TGS1: variants seen among roughly 807,000 people sequenced by gnomAD.
TGS1 encodes trimethylguanosine synthase.
TGS1 carries 69 observed loss-of-function variants against 92.2 expected under a neutral mutation model. That is an observed-to-expected ratio of 0.75 (90% CI 0.62 to 0.91). The LOEUF is 0.91. Among genes scored for constraint, TGS1 ranks in the 40% least tolerant of loss-of-function variants. The pLI, the probability that TGS1 is intolerant of heterozygous loss-of-function variation, is 0.00. For missense variants in TGS1, 1,062 were observed against 1,001.2 expected, an observed-to-expected ratio of 1.06 and a Z score of -0.82; for synonymous variants, 345 against 338.1, an observed-to-expected ratio of 1.02 and a Z score of -0.22.
chr8:55,787,883 AAGAGAGAGAGCAAG>A (rs1811763806), intron 4 of TGS1, among the ~76,000 whole-genome samples: 1 of 116,190 alleles, frequency 8.6e-6, no homozygotes, highest in Non-Finnish European at 1.9e-5. Context: ...GCCACATGGC[AAGAGAGAGAGCAAG>A]AGAGAGGGGG....
At position 55,802,565 on chromosome 8, in the gene TGS1, G is replaced by A. The variant is rs1399451913; in HGVS notation, c.1958G>A (p.Arg653Lys). 6.2e-7 allele frequency: 1 copy of A among 1,614,098 alleles called. No homozygotes were observed. The highest frequency in any genetic ancestry group is 8.5e-7 in the Non-Finnish European group (1 of 1,179,998). ...GCAAAATACTGGGCCCAGAGGTACAGGCTCTTCTCCCGTTTTGATGATGGG... is the reference window on the plus strand; with the variant it reads ...GCAAAATACTGGGCCCAGAGGTACAAGCTCTTCTCCCGTTTTGATGATGGG... ...ELAKYWAQRY[R>K]LFSRFDDGIK... is the part of the protein sequence containing the mutation. Residue 653 changes from arginine to lysine, a missense_variant, in exon 9 of 13, where the codon AGG (arginine) becomes AAG (lysine). By Grantham distance (26) the Arg-to-Lys change is conservative. Coordinates refer to ENST00000260129, the MANE Select transcript of TGS1 (RefSeq NM_024831.8).
chr8:55,804,416 G>A (rs1812305600), intron 9 of TGS1, among the ~76,000 whole-genome samples: 1 of 152,176 alleles, frequency 6.6e-6, no homozygotes. Context: ...ACTCCAGCCT[G>A]GGCAACAGAG....
At chr8:55,779,156 ATCAAAC>A (rs1811483409) in intron 1 of TGS1, among the ~76,000 whole-genome samples, 2 of 152,260 alleles carry the variant, frequency 1.3e-5, no homozygotes, top group Non-Finnish European at 2.9e-5. Context: ...AGGTACACTA[ATCAAAC>A]TCAAAGACAG....
intron 5 of TGS1, among the ~76,000 whole-genome samples, chr8:55,791,195 T>A (rs1405355520): frequency 3.3e-5 from 5 of 152,208 alleles, no homozygotes. Flanking sequence ...AATTTCTGTT[T>A]ACCACTGTGA....
intron 12 of TGS1, among the ~76,000 whole-genome samples, chr8:55,814,672 A>ATATATATATATATAT (rs1203670071): frequency 2.4e-5 from 3 of 126,884 alleles, no homozygotes; most frequent in African/African-American, 1.0e-4. Flanking sequence ...AAAAAAAAAA[A>ATATATATATATATAT]AAATATATAT....
intron 9 of TGS1, among the ~76,000 whole-genome samples, chr8:55,803,623 A>T (rs994969665): frequency 6.6e-6 from 1 of 152,040 alleles, no homozygotes; most frequent in South Asian, 2.1e-4. Flanking sequence ...AGGGGAGACA[A>T]CAGGAAAATT....
intron 6 of TGS1, among the ~76,000 whole-genome samples, chr8:55,793,145 T>C (rs936905260): frequency 6.6e-6 from 1 of 152,222 alleles, no homozygotes; most frequent in African/African-American, 2.4e-5. Flanking sequence ...ATAGCAAACA[T>C]GCCATGAAAC....
intron 1 of TGS1, among the ~76,000 whole-genome samples, chr8:55,776,443 G>T (rs1238280657): frequency 1.3e-5 from 2 of 152,086 alleles, no homozygotes; most frequent in African/African-American, 4.8e-5. Flanking sequence ...ACAATGTCCA[G>T]CTAATTTTTT....
At chr8:55,780,319 A>G (rs1190860285) in intron 1 of TGS1, among the ~76,000 whole-genome samples, 1 of 152,002 alleles carries the variant, frequency 6.6e-6, no homozygotes, top group Non-Finnish European at 1.5e-5. Context: ...ATAGGTGTGC[A>G]CTACTACACC....
chr8:55,824,827 G>C lies in TGS1; in HGVS notation c.*124G>C. The stretch of plus-strand genomic sequence containing the variant: ...TGGTCTTATATCACCGTATGAAATG[G>C]AAACTTACAGGACTTAAATATCAGT... On this transcript the variant is annotated 3_prime_UTR_variant, in exon 13 of 13. Transcript: ENST00000260129. 1 of 1,083,632 alleles carries C rather than the reference G, an allele frequency of 9.2e-7. No individual in the cohort carries two copies. The allele number at this position is 1,083,632 out of a possible 1,614,324, so 67.1% of individuals were successfully genotyped here. A position where few individuals can be genotyped will look rare whatever the true frequency, so the allele number is the denominator to read the frequency against.
rs934076562 is a variant in TGS1, at chr8:55,805,903, A to T, written c.2143+867A>T. ...TCTTAAAAAAAAAAAAAAAAAAAAA[A>T]ATTTAAAAATTAGCCAGGCGTGGTG... On this transcript the variant is annotated intron_variant, in intron 10 of 12. Transcript: ENST00000260129. Among the ~76,000 whole-genome samples, 23 of 146,992 alleles carry T rather than the reference A, an allele frequency of 1.6e-4. No individual in the cohort carries two copies. The South Asian group carries it at 2.5e-3, about 16-fold the overall frequency.
rs760316603 is a variant in TGS1, at chr8:55,802,490, A to G, written c.1883A>G (p.Asn628Ser). ...AAAAAGAAGAAGAACAAGAAGAAGA[A>G]CAAAAAGGTGAATGGTCTGCCTCCT... is the stretch of plus-strand genomic sequence containing the variant. ...EVKKKKNKKKNKKVNGLPPEI... is the reference protein window; with the variant it reads ...EVKKKKNKKKSKKVNGLPPEI... The change falls in exon 9 of 13, where the codon AAC becomes AGC. Residue 628 changes from asparagine to serine, a missense_variant. Physicochemically the swap from Asn to Ser is conservative, Grantham distance 46 (BLOSUM62 1). Coordinates refer to ENST00000260129, the MANE Select transcript of TGS1 (RefSeq NM_024831.8). The G allele has an allele frequency of 2.5e-6, 4 of 1,614,100 alleles. No individual in the cohort carries two copies. The East Asian group carries it at 6.7e-5, about 27-fold the overall frequency.
intron 12 of TGS1, among the ~76,000 whole-genome samples, chr8:55,822,638 C>G (rs1803681140): frequency 6.7e-6 from 1 of 150,044 alleles, no homozygotes; most frequent in South Asian, 2.1e-4. Context: ...CTAATAATTG[C>G]TACTCTGAGA....
chr8:55,803,037 G>A (rs970370732), intron 9 of TGS1, among the ~76,000 whole-genome samples: 3 of 151,626 alleles, frequency 2.0e-5, no homozygotes, highest in African/African-American at 7.3e-5. Context: ...CTTTAATGTG[G>A]AATGTTTCCT....
At position 55,785,871 on chromosome 8, in the gene TGS1, A is replaced by G. The variant is rs1811694696; in HGVS notation, c.319A>G (p.Thr107Ala). The change falls in exon 3 of 13, where the codon ACT becomes GCT. Residue 107 changes from threonine to alanine, a missense_variant. Coordinates refer to ENST00000260129, the MANE Select transcript of TGS1 (RefSeq NM_024831.8). ...ATTGCCACTTCAATTTGGTAGGATA[A>G]CTGCACATAAGGATTTTGAGGTAAA... ...MGLPLQFGRI[T>A]AHKDFEVSMN... The G allele has an allele frequency of 1.9e-6, 3 of 1,605,278 alleles. No individual in the cohort carries two copies. Among genetic ancestry groups the G allele is most frequent in the East Asian group, 4.5e-5 (2 of 44,780 alleles).
chr8:55,806,928 T>TG (rs1333917401), intron 10 of TGS1, among the ~76,000 whole-genome samples: 1 of 146,026 alleles, frequency 6.8e-6, no homozygotes, highest in African/African-American at 2.5e-5. Context: ...TATTTAATTT[T>TG]TTTTTTTCTT....
At chr8:55,820,859 C>T (rs1803617106) in intron 12 of TGS1, among the ~76,000 whole-genome samples, 1 of 152,152 alleles carries the variant, frequency 6.6e-6, no homozygotes, top group African/African-American at 2.4e-5. Context: ...TCCTTCCTAC[C>T]CTCTCTTCCT....
In TGS1 at chr8:55,810,963, G is replaced by A; in HGVS notation, c.2226G>A (p.Glu742=). ...TTTATGGGATAGCAGATAAGATAGAGTTCATCTGTGGAGATTTCTTGCTGC... is the reference window on the plus strand; with the variant it reads ...TTTATGGGATAGCAGATAAGATAGAATTCATCTGTGGAGATTTCTTGCTGC... ...AEVYGIADKI[E]FICGDFLLLA... Residue 742 remains glutamate (E), a synonymous_variant, in exon 11 of 13, where the codon GAG becomes GAA. Coordinates refer to ENST00000260129, the MANE Select transcript of TGS1 (RefSeq NM_024831.8). 6.2e-7 allele frequency: 1 copy of A among 1,614,176 alleles called. No homozygotes were observed. Among genetic ancestry groups the A allele is most frequent in the Non-Finnish European group, 8.5e-7 (1 of 1,180,008 alleles).
Position 55,825,012 on chromosome 8 carries a change from T to C in TGS1, c.*309T>C. The C allele has an allele frequency of 4.6e-6, 1 of 215,694 alleles. No homozygotes were observed. The highest frequency in any genetic ancestry group is 9.2e-6 in the Non-Finnish European group (1 of 108,168). The allele number at this position is 215,694 out of a possible 1,614,324, so 13.4% of individuals were successfully genotyped here. On this transcript the variant is annotated 3_prime_UTR_variant, in exon 13 of 13. Coordinates refer to ENST00000260129, the MANE Select transcript of TGS1 (RefSeq NM_024831.8). ...TCACAGCTCACTGCAGGTTCAGCCT[T>C]CTGAGTTCAAGCAATCCTTCTGTCT...
Sources: gnomAD v4.1 joint callset for allele counts (sites outside exome capture counted in the v4.1 genomes callset) on GRCh38, gnomAD v4.1.1 for gene constraint, MANE v1.5 for transcripts, NCBI Gene and HGNC (gene_info 2026-07-23, HGNC 2026-07-21) for gene names.